Variants in PAFAH1B1 observed in about 807,000 individuals in gnomAD.
PAFAH1B1 encodes platelet-activating factor acetylhydrolase IB subunit beta.
In PAFAH1B1, 2 loss-of-function variants were observed where a neutral mutation model predicts 57.5. That is an observed-to-expected ratio of 0.03 (90% CI 0.01 to 0.11). The LOEUF is 0.11. Ranked by LOEUF, PAFAH1B1 falls within the 10% of genes least tolerant of loss-of-function variation. PAFAH1B1 has a pLI of 1.00. For synonymous variants in PAFAH1B1, 152 were observed against 169.6 expected, an observed-to-expected ratio of 0.90 and a Z score of 0.81; for missense variants, 257 against 512.0, an observed-to-expected ratio of 0.50 and a Z score of 4.81.
At chr17:2,622,423 T>TA (rs1326440098) in intron 1 of PAFAH1B1, among the ~76,000 whole-genome samples, 1 of 152,098 alleles carries the variant, frequency 6.6e-6, no homozygotes, top group Non-Finnish European at 1.5e-5. Flanking sequence ...AGAAATTGGC[T>TA]AAAACAAAGG....
At chr17:2,668,407 C>T (rs2069137104) in intron 5 of PAFAH1B1, among the ~76,000 whole-genome samples, 1 of 152,054 alleles carries the variant, frequency 6.6e-6, no homozygotes, top group East Asian at 1.9e-4. Context: ...AAATTATGGG[C>T]CGGGTGTGGT....
chr17:2,629,104 G>T (rs576038392), intron 1 of PAFAH1B1, among the ~76,000 whole-genome samples: 1 of 152,036 alleles, frequency 6.6e-6, no homozygotes, highest in Non-Finnish European at 1.5e-5. Context: ...ATTTAGTTCT[G>T]CTCTGATCTT....
At chr17:2,674,563 A>AT (rs1406130469) in intron 8 of PAFAH1B1, among the ~76,000 whole-genome samples, 2 of 152,214 alleles carry the variant, frequency 1.3e-5, no homozygotes, top group Non-Finnish European at 2.9e-5. Context: ...TTATGAGATC[A>AT]TCTCAATGTA....
At chr17:2,631,218 G>A (rs1264761082) in intron 1 of PAFAH1B1, among the ~76,000 whole-genome samples, 1 of 151,954 alleles carries the variant, frequency 6.6e-6, no homozygotes, top group Non-Finnish European at 1.5e-5. Context: ...TTCAGCCTGG[G>A]CGACAGAGCA....
intron 1 of PAFAH1B1, among the ~76,000 whole-genome samples, chr17:2,599,239 A>G (rs1049567538): frequency 3.3e-5 from 5 of 152,348 alleles, no homozygotes; most frequent in Non-Finnish European, 7.3e-5. Flanking sequence ...ACTGAAATCC[A>G]GAGAATTTCT....
intron 1 of PAFAH1B1, among the ~76,000 whole-genome samples, chr17:2,617,784 G>A (rs1295121915): frequency 2.0e-5 from 3 of 152,160 alleles, no homozygotes; most frequent in African/African-American, 7.2e-5. Flanking sequence ...GCCAGGTGTG[G>A]CGGTGGGTGT....
intron 9 of PAFAH1B1, among the ~76,000 whole-genome samples, chr17:2,677,672 G>A (rs913253907): frequency 6.6e-6 from 1 of 151,988 alleles, no homozygotes; most frequent in Non-Finnish European, 1.5e-5. Flanking sequence ...GGCTAACATG[G>A]TGAAACCCCG....
In PAFAH1B1 at chr17:2,643,840, G is replaced by A. The variant is rs769529250; in HGVS notation, c.32+5520G>A. Among the ~76,000 whole-genome samples, 83 of 152,018 alleles carry A rather than the reference G, an allele frequency of 5.5e-4. 2 individuals carry two copies. The highest frequency in any genetic ancestry group is 3.4e-4 in the Non-Finnish European group (23 of 67,994). ...CTTCCAAAGTGTTGGGATTACAGGC[G>A]TGAGCCACCGTGCCCGGCCCACACC... On this transcript the variant is annotated intron_variant, in intron 2 of 10. Coordinates refer to ENST00000397195, the MANE Select transcript of PAFAH1B1 (RefSeq NM_000430.4).
intron 1 of PAFAH1B1, among the ~76,000 whole-genome samples, chr17:2,626,158 G>A (rs932188972): frequency 2.0e-5 from 3 of 151,770 alleles, no homozygotes; most frequent in African/African-American, 4.8e-5. Context: ...GGAGGCTGAG[G>A]CAAAACAATC....
At chr17:2,634,825 C>A (rs2068600891) in intron 1 of PAFAH1B1, among the ~76,000 whole-genome samples, 1 of 152,132 alleles carries the variant, frequency 6.6e-6, no homozygotes, top group Admixed American at 6.6e-5. Flanking sequence ...GTTTTAATTG[C>A]CTTCTTGGCC....
At position 2,679,771 on chromosome 17, in the gene PAFAH1B1, G is replaced by A. The variant is rs191648459; in HGVS notation, c.1003-393G>A. On this transcript the variant is annotated intron_variant, in intron 9 of 10. Transcript: ENST00000397195. ...TATATTTTGCTGAAATCATTTGAGC[G>A]TTCTTTGCAGACATCGTAACACTTT... 6.8e-4 allele frequency: 164 copies of A among 240,822 alleles called. 2 individuals carry two copies. The highest frequency in any genetic ancestry group is 3.0e-3 in the African/African-American group (132 of 43,542). 14.9% of individuals were successfully genotyped at this position (240,822 alleles called of 1,614,324 possible).
intron 2 of PAFAH1B1, among the ~76,000 whole-genome samples, chr17:2,664,947 T>A (rs2069085129): frequency 6.7e-6 from 1 of 148,278 alleles, no homozygotes; most frequent in Non-Finnish European, 1.5e-5. Context: ...AACTTTTCTC[T>A]GCAAAACTAA....
Position 2,593,751 on chromosome 17 carries a change from AAGG to A in PAFAH1B1, c.-443_-441del, listed in dbSNP as rs1322383959. The A allele has an allele frequency of 8.3e-6, 3 of 362,604 alleles. No individual in the cohort carries two copies. The highest frequency in any genetic ancestry group is 2.1e-5 in the African/African-American group (1 of 47,062). 22.5% of individuals were successfully genotyped at this position (362,604 alleles called of 1,614,324 possible). A position where few individuals can be genotyped will look rare whatever the true frequency, so the allele number is the denominator to read the frequency against. ...GCGACACGGGAGTCTAGGGAGCGAG[AAGG>A]AGAAGGAGGGGAGCGCTCGGGCGCG... On this transcript the variant is annotated 5_prime_UTR_variant, in exon 1 of 11. Coordinates refer to ENST00000397195, the MANE Select transcript of PAFAH1B1 (RefSeq NM_000430.4).
intron 7 of PAFAH1B1, 108 bp downstream of exon 7, chr17:2,672,865 G>A (rs1287884483): frequency 1.4e-6 from 1 of 734,140 alleles, no homozygotes; most frequent in African/African-American, 1.7e-5. Context: ...GTCAGGAATT[G>A]AAGACCAGCC....
intron 2 of PAFAH1B1, among the ~76,000 whole-genome samples, chr17:2,663,002 A>G (rs2069039206): frequency 6.6e-6 from 1 of 152,054 alleles, no homozygotes; most frequent in African/African-American, 2.4e-5. Context: ...AATCCCAGCT[A>G]CTCTGGAGGC....
chr17:2,599,008 T>G (rs1385152156), intron 1 of PAFAH1B1, among the ~76,000 whole-genome samples: 2 of 152,226 alleles, frequency 1.3e-5, no homozygotes, highest in African/African-American at 4.8e-5. Context: ...TTTTATTTCT[T>G]GTTTTCTTTT....
chr17:2,637,994 C>T (rs2068645105), intron 1 of PAFAH1B1, 105 bp from the exon 2 acceptor site: 2 of 443,748 alleles, frequency 4.5e-6, no homozygotes, highest in South Asian at 6.4e-5. Context: ...AATATTTATA[C>T]TAACATCACA....
intron 8 of PAFAH1B1, among the ~76,000 whole-genome samples, chr17:2,676,053 G>GT (rs1459164753): frequency 2.0e-5 from 3 of 152,188 alleles, no homozygotes; most frequent in Non-Finnish European, 4.4e-5. Flanking sequence ...TAGGTATGGT[G>GT]TGAAAGACTT....
chr17:2,612,855 C>T (rs1429105500), intron 1 of PAFAH1B1, among the ~76,000 whole-genome samples: 1 of 152,042 alleles, frequency 6.6e-6, no homozygotes, highest in African/African-American at 2.4e-5. Context: ...AGTGATCCTC[C>T]TGCCTCGGCC....
Sources: gnomAD v4.1 joint callset for allele counts (sites outside exome capture counted in the v4.1 genomes callset) on GRCh38, gnomAD v4.1.1 for gene constraint, MANE v1.5 for transcripts, NCBI Gene and HGNC (gene_info 2026-07-23, HGNC 2026-07-21) for gene names.